The following SLC15A3 variants were observed in gnomAD, a reference collection of about 807,000 sequenced individuals.
The protein encoded by SLC15A3 is solute carrier family 15 member 3.
A neutral mutation model predicts 49.2 loss-of-function variants in SLC15A3; 39 were observed. The ratio of observed to expected loss-of-function variants is 0.79; its 90% CI spans 0.61 to 1.04. SLC15A3 has a LOEUF of 1.04. Ranked by LOEUF, SLC15A3 falls within the 50% of genes least tolerant of loss-of-function variation. The pLI is 0.00. For missense variants in SLC15A3, 758 were observed against 794.8 expected (o/e 0.95, Z 0.56); for synonymous variants, 339 against 367.0 (o/e 0.92, Z 0.87).
intron 2 of SLC15A3, among the ~76,000 whole-genome samples, 183 bp downstream of exon 2, chr11:60,946,349 C>T (rs1011792444): frequency 7.0e-6 from 1 of 142,270 alleles, no homozygotes; most frequent in Non-Finnish European, 1.6e-5. Context: ...ACCACTACCA[C>T]CACTACCTTG....
At position 60,949,458 on chromosome 11, in the gene SLC15A3, AAGAG is replaced by A. The variant is rs755719766; in HGVS notation, c.558+1532_558+1535del. Among the ~76,000 whole-genome samples the A allele has an allele frequency of 1.7e-3, 251 of 147,780 alleles. 7 individuals are homozygous for A. The highest frequency in any genetic ancestry group is 2.9e-3 in the African/African-American group (115 of 39,520). On this transcript the variant is annotated intron_variant, in intron 1 of 7. Transcript: ENST00000227880. ...AGAAAGAAAGAAAGAAAGAGAAAGA[AAGAG>A]AGAGAGAGAAAGAGAAAGAAAGGAA... is the stretch of plus-strand genomic sequence containing the variant.
In SLC15A3 at chr11:60,951,389, T is replaced by C. The variant is rs1856919076; in HGVS notation, c.163A>G (p.Asn55Asp). Reference protein sequence around the residue: ...ERAAFFGVTANLVLYLNSTNF... With the variant: ...ERAAFFGVTADLVLYLNSTNF... ...GTGCTGTTGAGGTACAGCACGAGGT[T>C]GGCGGTGACGCCGAAGAAGGCGGCG... is the stretch of plus-strand genomic sequence containing the variant. The change falls in exon 1 of 8, where the codon AAC (asparagine) becomes GAC (aspartate). Residue 55 changes from asparagine to aspartate, a missense_variant. Transcript: ENST00000227880. 2 of 1,542,168 alleles carry C rather than the reference T, an allele frequency of 1.3e-6. No homozygotes were observed. Among genetic ancestry groups the C allele is most frequent in the Non-Finnish European group, 8.7e-7 (1 of 1,149,868 alleles).
chr11:60,937,854 G>A lies in SLC15A3; in HGVS notation c.1591+16C>T, dbSNP rs374350556. 1 of 1,611,286 alleles carries A rather than the reference G, an allele frequency of 6.2e-7. No individual in the cohort carries two copies. Among genetic ancestry groups the A allele is most frequent in the African/African-American group, 1.3e-5 (1 of 74,956 alleles). Reference sequence around the variant, plus strand: ...CCTCCATCCATGTCCCACTCCTGGGGAGGCCCCATACTCACCAAAGTCCTT... The same window carrying A: ...CCTCCATCCATGTCCCACTCCTGGGAAGGCCCCATACTCACCAAAGTCCTT... On this transcript the variant is annotated intron_variant, in intron 7 of 7. Coordinates refer to ENST00000227880, the MANE Select transcript of SLC15A3 (RefSeq NM_016582.3).
chr11:60,947,355 A>AT (rs1856819358), intron 1 of SLC15A3, among the ~76,000 whole-genome samples: 1 of 151,956 alleles, frequency 6.6e-6, no homozygotes, highest in Admixed American at 6.5e-5. Context: ...AATTTTTTGT[A>AT]TTTTTAGTAG....
At chr11:60,942,225 C>G (rs1453477206) in intron 3 of SLC15A3, 80 bp from the exon 4 acceptor site, 39 of 1,190,656 alleles carry the variant, frequency 3.3e-5, no homozygotes, top group Non-Finnish European at 4.9e-5. Flanking sequence ...TCCTCAGCGC[C>G]GTACCACAGG....
chr11:60,942,825 T>C (rs553500119), intron 3 of SLC15A3: 1 of 152,398 alleles, frequency 6.6e-6, no homozygotes, highest in African/African-American at 2.4e-5. Context: ...AGAAATACTG[T>C]GTGCCCCTAA....
In SLC15A3 at chr11:60,946,766, C is replaced by T; in HGVS notation, c.614G>A (p.Ser205Asn). 1 of 1,614,154 alleles carries T rather than the reference C, an allele frequency of 6.2e-7. No homozygotes were observed. The highest frequency in any genetic ancestry group is 8.5e-7 in the Non-Finnish European group (1 of 1,180,032). The change falls in exon 2 of 8, where the codon AGC becomes AAC. Residue 205 changes from serine (S) to asparagine (N), a missense_variant. Coordinates refer to ENST00000227880, the MANE Select transcript of SLC15A3 (RefSeq NM_016582.3). ...CGACAGCACAGCACCCAGGTTGATG[C>T]TCCAGTAAAACCAGTTGAAGAAGCG... ...TRRFFNWFYW[S>N]INLGAVLSLL...
chr11:60,949,425 G>GGAAAGAAA (rs71043733), intron 1 of SLC15A3, among the ~76,000 whole-genome samples: 12 of 119,936 alleles, frequency 1.0e-4, no homozygotes, highest in African/African-American at 3.7e-4. Context: ...AAAGAAAGAA[G>GGAAAGAAA]GAAAGAAAGA....
chr11:60,949,952 G>T (rs937366216), intron 1 of SLC15A3, among the ~76,000 whole-genome samples: 1 of 152,122 alleles, frequency 6.6e-6, no homozygotes, highest in African/African-American at 2.4e-5. Context: ...TTACATTTTA[G>T]TCTAAATTAT....
chr11:60,941,976 T>C, intron 4 of SLC15A3, 59 bp downstream of exon 4: 1 of 1,494,314 alleles, frequency 6.7e-7, no homozygotes, highest in East Asian at 2.3e-5. Flanking sequence ...TTCCTCCTCT[T>C]CTCAGAGGAA....
Position 60,946,731 on chromosome 11 carries a change from C to G in SLC15A3, c.649G>C (p.Val217Leu), listed in dbSNP as rs147928255. 15 of 1,614,088 alleles carry G rather than the reference C, an allele frequency of 9.3e-6. No homozygotes were observed. Among genetic ancestry groups the G allele is most frequent in the Admixed American group, 1.7e-5 (1 of 60,014 alleles). Residue 217 changes from valine to leucine, a missense_variant, in exon 2 of 8, where the codon GTG (valine) becomes CTG (leucine). By Grantham distance (32) the Val-to-Leu change is conservative (BLOSUM62 1). Around this residue, in one of 3 missense-constraint regions of SLC15A3, gnomAD observed 699 missense variants for 706.7 expected, o/e 0.99. Transcript: ENST00000227880. ...CTGATGTTCTGCTGAATAAACGCCA[C>G]CACCAGCAGCGACAGCACAGCACCC... ...NLGAVLSLLV[V>L]AFIQQNISFL...
intron 7 of SLC15A3, 182 bp downstream of exon 7, chr11:60,937,688 A>G: frequency 1.3e-6 from 1 of 783,102 alleles, no homozygotes; most frequent in Non-Finnish European, 2.0e-6. Flanking sequence ...ACTTGGGGAA[A>G]GAAAGGCCCA....
chr11:60,937,267 C>A lies in SLC15A3; in HGVS notation c.1698G>T (p.Ala566=). The A allele has an allele frequency of 6.2e-7, 1 of 1,614,138 alleles. No homozygotes were observed. The highest frequency in any genetic ancestry group is 8.5e-7 in the Non-Finnish European group (1 of 1,180,028). Residue 566 remains alanine (A), a synonymous_variant, in exon 8 of 8, where the codon GCG becomes GCT. Coordinates refer to ENST00000227880, the MANE Select transcript of SLC15A3 (RefSeq NM_016582.3). ...GGCTGTGGGAGGCTGGGCCCTGGGA[C>A]GCCCTCTCATAGCGTCCAGCGATCC... is the stretch of plus-strand genomic sequence containing the variant. ...FVWIAGRYER[A]SQGPASHSRF...
chr11:60,948,778 C>G (rs150638454), intron 1 of SLC15A3, among the ~76,000 whole-genome samples: 25 of 152,256 alleles, frequency 1.6e-4, no homozygotes, highest in African/African-American at 5.5e-4. Flanking sequence ...AAGGGGAGAA[C>G]GTACAGGAGC....
Position 60,951,633 on chromosome 11 carries a change from C to T in SLC15A3, c.-82G>A. On this transcript the variant is annotated 5_prime_UTR_variant, in exon 1 of 8. Coordinates refer to ENST00000227880, the MANE Select transcript of SLC15A3 (RefSeq NM_016582.3). ...GAGCCCTGCACTCCTGCCCCCGGGCCTCGGCCCTCTCCCCCACCCAACTGG... is the reference window on the plus strand; with the variant it reads ...GAGCCCTGCACTCCTGCCCCCGGGCTTCGGCCCTCTCCCCCACCCAACTGG... The T allele has an allele frequency of 9.8e-7, 1 of 1,016,902 alleles. No homozygotes were observed. The highest frequency in any genetic ancestry group is 1.2e-6 in the Non-Finnish European group (1 of 842,328). The allele number at this position is 1,016,902 out of a possible 1,614,324, so 63.0% of individuals were successfully genotyped here. A position where few individuals can be genotyped will look rare whatever the true frequency, so the allele number is the denominator to read the frequency against.
chr11:60,951,065 C>A lies in SLC15A3; in HGVS notation c.487G>T (p.Ala163Ser). 3 of 1,490,848 alleles carry A rather than the reference C, an allele frequency of 2.0e-6. No individual in the cohort carries two copies. Among genetic ancestry groups the A allele is most frequent in the Non-Finnish European group, 8.9e-7 (1 of 1,129,224 alleles). The allele number at this position is 1,490,848 out of a possible 1,614,324, so 92.4% of individuals were successfully genotyped here. A position where few individuals can be genotyped will look rare whatever the true frequency, so the allele number is the denominator to read the frequency against. ...PSPYCAPVLY[A>S]GLLLLGLAAS... Reference sequence around the variant, plus strand: ...GCCAGGCCGAGTAGCAGCAGGCCCGCGTAGAGGACGGGCGCGCAGTAGGGG... The same window carrying A: ...GCCAGGCCGAGTAGCAGCAGGCCCGAGTAGAGGACGGGCGCGCAGTAGGGG... The change falls in exon 1 of 8, where the codon GCG becomes TCG. Residue 163 changes from alanine (A) to serine (S), a missense_variant. By Grantham distance (99) the Ala-to-Ser change is moderately conservative. This residue lies in a region of SLC15A3 where 699 missense variants were observed against 706.7 expected (regional missense o/e 0.99). Coordinates refer to ENST00000227880, the MANE Select transcript of SLC15A3 (RefSeq NM_016582.3).
chr11:60,941,625 T>A (rs1463565875), intron 4 of SLC15A3: 1 of 340,714 alleles, frequency 2.9e-6, no homozygotes, highest in African/African-American at 2.1e-5. Flanking sequence ...CTGCCAGCTC[T>A]GCAGATCATT....
chr11:60,951,063 C>T lies in SLC15A3; in HGVS notation c.489G>A (p.Ala163=). Residue 163 remains alanine, a synonymous_variant, in exon 1 of 8, where the codon GCG becomes GCA. Transcript: ENST00000227880. ...PSPYCAPVLY[A]GLLLLGLAAS... ...CGGCCAGGCCGAGTAGCAGCAGGCC[C>T]GCGTAGAGGACGGGCGCGCAGTAGG... The T allele has an allele frequency of 6.7e-7, 1 of 1,492,236 alleles. No homozygotes were observed. Among genetic ancestry groups the T allele is most frequent in the Non-Finnish European group, 8.9e-7 (1 of 1,129,858 alleles). The allele number at this position is 1,492,236 out of a possible 1,614,324, so 92.4% of individuals were successfully genotyped here. A position where few individuals can be genotyped will look rare whatever the true frequency, so the allele number is the denominator to read the frequency against.
rs775642229 is a variant in SLC15A3, at chr11:60,941,285, C to T, written c.1113G>A (p.Pro371=). ...CATTGGCCAGGAGGAGCCAGGCTTC[C>T]GGGATCTGGGCAGGAGGAAGTCAGG... ...LRAQGSSYTI[P]EAWLLLANVV... The change falls in exon 5 of 8, where the codon CCG becomes CCA. Residue 371 remains proline (P), a synonymous_variant. Coordinates refer to ENST00000227880, the MANE Select transcript of SLC15A3 (RefSeq NM_016582.3). 21 of 1,613,138 alleles carry T rather than the reference C, an allele frequency of 1.3e-5. No homozygotes were observed. The East Asian group carries it at 2.2e-4, about 17-fold the overall frequency.
Sources: gnomAD v4.1 joint callset for allele counts (sites outside exome capture counted in the v4.1 genomes callset) on GRCh38, gnomAD v4.1.1 for gene constraint, gnomAD v4.1.1 regional missense constraint, MANE v1.5 for transcripts, NCBI Gene and HGNC (gene_info 2026-07-23, HGNC 2026-07-21) for gene names.